Variants in BORCS5 observed in about 807,000 individuals in gnomAD.
BORCS5 encodes the protein BLOC-1 related complex subunit 5.
BORCS5 carries 17 observed loss-of-function variants against 22.1 expected under a neutral mutation model. That is an observed-to-expected ratio of 0.77 (90% CI 0.53 to 1.15). BORCS5 has a LOEUF of 1.15. Among genes scored for constraint, BORCS5 ranks in the 50% most tolerant of loss-of-function variants. The pLI is 0.00. For missense variants in BORCS5, 247 were observed against 253.2 expected, an observed-to-expected ratio of 0.98 and a Z score of 0.17; for synonymous variants, 117 against 99.8, an observed-to-expected ratio of 1.17 and a Z score of -1.03.
chr12:12,407,835 G>T (rs1220524207), intron 2 of BORCS5, among the ~76,000 whole-genome samples: 4 of 151,238 alleles, frequency 2.6e-5, no homozygotes, highest in African/African-American at 7.3e-5. Context: ...TCAGCCTCCT[G>T]AGTAGCTGGG....
intron 2 of BORCS5, among the ~76,000 whole-genome samples, chr12:12,363,452 T>A (rs1863337707): frequency 6.6e-6 from 1 of 151,514 alleles, no homozygotes; most frequent in African/African-American, 2.4e-5. Context: ...ATACAAAAAA[T>A]TAGGCCGGGC....
At chr12:12,435,879 G>A in intron 3 of BORCS5, 94 bp downstream of exon 3, 1 of 1,253,724 alleles carries the variant, frequency 8.0e-7, no homozygotes, top group East Asian at 2.5e-5. Flanking sequence ...TGTCACTATT[G>A]CTTTGAGGAG....
intron 3 of BORCS5, among the ~76,000 whole-genome samples, chr12:12,456,269 C>CA (rs1040755398): frequency 1.3e-5 from 2 of 151,882 alleles, no homozygotes; most frequent in African/African-American, 4.8e-5. Context: ...CCCATCTCCA[C>CA]AAAAAATAAA....
chr12:12,436,105 G>C lies in BORCS5; in HGVS notation c.360+320G>C, dbSNP rs529839446. On this transcript the variant is annotated intron_variant, in intron 3 of 3. Transcript: ENST00000314565. Reference sequence around the variant, plus strand: ...TTAGTAAGTGTTAGCTATTATTAGTGCATGTAAAGTCCTGCCATACTAATT... The same window carrying C: ...TTAGTAAGTGTTAGCTATTATTAGTCCATGTAAAGTCCTGCCATACTAATT... Among the ~76,000 whole-genome samples the C allele has an allele frequency of 3.9e-5, 6 of 152,244 alleles. No individual in the cohort carries two copies. The South Asian group carries it at 1.2e-3, about 32-fold the overall frequency.
chr12:12,365,648 G>C (rs1350896118), intron 2 of BORCS5, among the ~76,000 whole-genome samples: 1 of 151,520 alleles, frequency 6.6e-6, no homozygotes, highest in Non-Finnish European at 1.5e-5. Flanking sequence ...TGTTTCACTT[G>C]TGAAGACGAA....
chr12:12,371,800 TTTA>T (rs1863534913), intron 2 of BORCS5, among the ~76,000 whole-genome samples: 1 of 152,190 alleles, frequency 6.6e-6, no homozygotes, highest in Non-Finnish European at 1.5e-5. Flanking sequence ...CCTTTCAATT[TTTA>T]TTTTTAGTCT....
In BORCS5 at chr12:12,458,772, A is replaced by G. The variant is rs573324457; in HGVS notation, c.361-6774A>G. ...TGGATCATGTGGTCAGGAGCTTGAG[A>G]CTATCCTGGCTAACACGGTGAAACC... On this transcript the variant is annotated intron_variant, in intron 3 of 3. Transcript: ENST00000314565. 1.5e-3 allele frequency among the ~76,000 whole-genome samples: 223 copies of G among 151,344 alleles called. 2 individuals are homozygous for G. The South Asian group carries it at 0.02, about 13-fold the overall frequency.
chr12:12,401,815 T>C (rs565786939), intron 2 of BORCS5, among the ~76,000 whole-genome samples: 1 of 152,138 alleles, frequency 6.6e-6, no homozygotes, highest in Non-Finnish European at 1.5e-5. Context: ...TCCCAGCACT[T>C]TGGGAGGCCA....
At chr12:12,410,690 G>T (rs1283015484) in intron 2 of BORCS5, among the ~76,000 whole-genome samples, 4 of 152,158 alleles carry the variant, frequency 2.6e-5, no homozygotes, top group Non-Finnish European at 5.9e-5. Flanking sequence ...TTTTGGCTTA[G>T]GATTGACTTG....
At chr12:12,411,352 G>A (rs1465281627) in intron 2 of BORCS5, among the ~76,000 whole-genome samples, 8 of 152,112 alleles carry the variant, frequency 5.3e-5, no homozygotes, top group Non-Finnish European at 8.8e-5. Flanking sequence ...TATCACATTG[G>A]TTCTTTCATG....
Position 12,470,908 on chromosome 12 carries a change from C to T in BORCS5, c.*5132C>T, listed in dbSNP as rs778057818. ...CAGTGTAAGATCTGATGGAATTTAC[C>T]GTTGACTCAATTTTCTTCACCAATC... On this transcript the variant is annotated 3_prime_UTR_variant, in exon 4 of 4. Transcript: ENST00000314565. Among the ~76,000 whole-genome samples, 8 of 152,114 alleles carry T rather than the reference C, an allele frequency of 5.3e-5. No homozygotes were observed. Among genetic ancestry groups the T allele is most frequent in the South Asian group, 2.1e-4 (1 of 4,808 alleles).
intron 2 of BORCS5, among the ~76,000 whole-genome samples, chr12:12,423,159 G>A (rs1247900373): frequency 2.6e-5 from 4 of 151,852 alleles, no homozygotes; most frequent in Non-Finnish European, 5.9e-5. Context: ...CCGCCACCAC[G>A]CCTGGCTAAT....
intron 2 of BORCS5, 100 bp downstream of exon 2, chr12:12,361,449 CT>C: frequency 7.6e-7 from 1 of 1,321,956 alleles, no homozygotes; most frequent in Non-Finnish European, 1.1e-6. Context: ...CTCTCATCTC[CT>C]TTAGGTCTTT....
At chr12:12,404,018 T>G (rs1313576042) in intron 2 of BORCS5, among the ~76,000 whole-genome samples, 1 of 152,226 alleles carries the variant, frequency 6.6e-6, no homozygotes, top group African/African-American at 2.4e-5. Flanking sequence ...TGAAGGCAAG[T>G]GATTTATAGA....
At chr12:12,438,228 G>GTGCA (rs1189668696) in intron 3 of BORCS5, among the ~76,000 whole-genome samples, 1 of 151,794 alleles carries the variant, frequency 6.6e-6, no homozygotes, top group East Asian at 1.9e-4. Flanking sequence ...AGGTGTGATG[G>GTGCA]TGCATGCCTG....
intron 2 of BORCS5, among the ~76,000 whole-genome samples, chr12:12,415,476 T>C (rs1210437939): frequency 7.1e-6 from 1 of 140,002 alleles, no homozygotes; most frequent in Non-Finnish European, 1.5e-5. Context: ...GGCAGGGAGG[T>C]TGCAGTGAGC....
intron 2 of BORCS5, among the ~76,000 whole-genome samples, chr12:12,370,776 T>C (rs1592058733): frequency 6.6e-6 from 1 of 151,710 alleles, no homozygotes; most frequent in East Asian, 1.9e-4. Context: ...GGAGATGGAG[T>C]CTCGCTCTGT....
chr12:12,368,041 C>G (rs1863440925), intron 2 of BORCS5, among the ~76,000 whole-genome samples: 1 of 152,190 alleles, frequency 6.6e-6, no homozygotes, highest in South Asian at 2.1e-4. Context: ...TACATGCTGT[C>G]CCTGCTTCCT....
rs1384614766 is a variant in BORCS5 at position 12,412,918 on chromosome 12, T to TA, written c.203-22710_203-22709insA. On this transcript the variant is annotated intron_variant, in intron 2 of 3. Transcript: ENST00000314565. ...TGGTTTTCTTTTTTTTTTTTTTTTTTTTTTTTTATTGATAATTCTTGGGTG... is the reference window on the plus strand; with the variant it reads ...TGGTTTTCTTTTTTTTTTTTTTTTTTATTTTTTTATTGATAATTCTTGGGTG... Among the ~76,000 whole-genome samples, 178 of 142,236 alleles carry TA rather than the reference T, an allele frequency of 1.3e-3. 1 individual carries two copies. The highest frequency in any genetic ancestry group is 4.1e-3 in the African/African-American group (160 of 38,610). 93.3% of individuals were successfully genotyped at this position (142,236 alleles called of 152,430 possible).
Sources: gnomAD v4.1 joint callset for allele counts (sites outside exome capture counted in the v4.1 genomes callset) on GRCh38, gnomAD v4.1.1 for gene constraint, MANE v1.5 for transcripts, NCBI Gene and HGNC (gene_info 2026-07-23, HGNC 2026-07-21) for gene names.